The following ALX4 variants were observed in gnomAD, a reference collection of about 807,000 sequenced individuals.
ALX4 encodes the protein ALX homeobox 4, also known as homeobox protein aristaless-like 4.
Under a neutral mutation model 40.6 loss-of-function variants are expected in ALX4, and 22 were observed. That is an observed-to-expected ratio of 0.54 (90% confidence interval 0.39 to 0.77). ALX4 has a LOEUF of 0.77. Ranked by LOEUF, ALX4 falls within the 30% of genes least tolerant of loss-of-function variation. The pLI, the probability that ALX4 is intolerant of heterozygous loss-of-function variation, is 0.00. For synonymous variants in ALX4, 266 were observed against 240.5 expected (o/e 1.11, Z -0.98); for missense variants, 556 against 564.8 (o/e 0.98, Z 0.16).
intron 2 of ALX4, among the ~76,000 whole-genome samples, chr11:44,272,895 T>C (rs937845028): frequency 2.0e-5 from 3 of 152,258 alleles, no homozygotes; most frequent in Admixed American, 6.5e-5. Flanking sequence ...GCATCACTTC[T>C]GGTAGCTGCA....
intron 1 of ALX4, among the ~76,000 whole-genome samples, chr11:44,279,884 A>AATCTAT (rs1956298938): frequency 1.3e-5 from 2 of 152,246 alleles, no homozygotes; most frequent in Non-Finnish European, 2.9e-5. Flanking sequence ...AGCACAGGAT[A>AATCTAT]GGTCAGGTGG....
rs1198428537 is a variant in ALX4 at position 44,309,760 on chromosome 11, C to T, written c.303G>A (p.Pro101=). 1.3e-6 allele frequency: 2 copies of T among 1,545,260 alleles called. No individual in the cohort carries two copies. Among genetic ancestry groups the T allele is most frequent in the South Asian group, 2.4e-5 (2 of 84,136 alleles). Residue 101 remains proline, a synonymous_variant, in exon 1 of 4, where the codon CCG becomes CCA. Coordinates refer to ENST00000652299, the MANE Select transcript of ALX4 (RefSeq NM_021926.4). ...GCTGCTGCGGCTGCGGCTGCGGCGG[C>T]GGCTGGGGCTGCGGGGTCGACGGCT... ...QPQPSTPQPQ[P]PPQPQPQQQQ... is the part of the protein sequence containing the mutation.
Position 44,279,832 on chromosome 11 carries a change from G to C in ALX4, c.467-4174C>G, listed in dbSNP as rs1328083529. ...CCTATAGAATGTCAGTTCCCCAGGG[G>C]CTGGGACCTCATGCCGTTTGTCCCT... On this transcript the variant is annotated intron_variant, in intron 1 of 3. Coordinates refer to ENST00000652299, the MANE Select transcript of ALX4 (RefSeq NM_021926.4). Among the ~76,000 whole-genome samples, 13 of 152,234 alleles carry C rather than the reference G, an allele frequency of 8.5e-5. 1 individual carries two copies. Among genetic ancestry groups the C allele is most frequent in the Non-Finnish European group, 1.9e-4 (13 of 68,046 alleles).
Position 44,309,679 on chromosome 11 carries a change from G to C in ALX4, c.384C>G (p.Ala128=). 1.3e-6 allele frequency: 2 copies of C among 1,591,482 alleles called. No individual in the cohort carries two copies. The highest frequency in any genetic ancestry group is 1.7e-6 in the Non-Finnish European group (2 of 1,172,736). ...AQPHLYLQRG[A]CKTPPDGSLK... is the part of the protein sequence containing the mutation. ...GGCTGCCGTCCGGGGGCGTCTTGCA[G>C]GCGCCTCGCTGCAAGTAAAGATGCG... The change falls in exon 1 of 4, where the codon GCC becomes GCG. Residue 128 remains alanine (A), a synonymous_variant. Coordinates refer to ENST00000652299, the MANE Select transcript of ALX4 (RefSeq NM_021926.4).
Position 44,275,498 on chromosome 11 carries a change from G to T in ALX4, c.627C>A (p.Ser209Arg), listed in dbSNP as rs568863681. 1.0e-4 allele frequency: 164 copies of T among 1,614,038 alleles called. No individual in the cohort carries two copies. Among genetic ancestry groups the T allele is most frequent in the Middle Eastern group, 8.2e-4 (5 of 6,062 alleles). Residue 209 changes from serine to arginine, a missense_variant, in exon 2 of 4, where the codon AGC (serine) becomes AGA (arginine). Transcript: ENST00000652299. ...PSPLEKADSE[S>R]NKGKKRRNRT... Reference sequence around the variant, plus strand: ...GGTTCCGCCGCTTCTTGCCCTTGTTGCTCTCTGAGTCGGCCTTCTCCAATG... The same window carrying T: ...GGTTCCGCCGCTTCTTGCCCTTGTTTCTCTCTGAGTCGGCCTTCTCCAATG...
intron 1 of ALX4, among the ~76,000 whole-genome samples, chr11:44,305,937 C>A (rs762895393): frequency 3.3e-4 from 50 of 152,252 alleles, no homozygotes; most frequent in Non-Finnish European, 6.3e-4. Flanking sequence ...CCGGCTGCAG[C>A]TCCGGCGGTC....
chr11:44,283,247 CAAA>C (rs35704210), intron 1 of ALX4, among the ~76,000 whole-genome samples: 53 of 100,148 alleles, frequency 5.3e-4, no homozygotes, highest in African/African-American at 8.6e-4. Context: ...AACTCCATCT[CAAA>C]AAAAAAAAAA....
At chr11:44,298,038 C>T (rs778542487) in intron 1 of ALX4, among the ~76,000 whole-genome samples, 1 of 152,204 alleles carries the variant, frequency 6.6e-6, no homozygotes, top group Non-Finnish European at 1.5e-5. Flanking sequence ...TCTCTGAGGG[C>T]AGGAGCCAGT....
intron 1 of ALX4, among the ~76,000 whole-genome samples, chr11:44,279,743 C>T (rs117566403): frequency 0.016 from 2,374 of 152,308 alleles, 35 homozygotes; most frequent in South Asian, 0.022. Flanking sequence ...TCTGCTCACC[C>T]TCTCCACTGA....
chr11:44,287,593 C>T (rs1176550678), intron 1 of ALX4, among the ~76,000 whole-genome samples: 7 of 38,686 alleles, frequency 1.8e-4, no homozygotes, highest in African/African-American at 2.6e-4. Flanking sequence ...AGAGACCTGT[C>T]TCAAAAAAAA....
chr11:44,302,795 G>A (rs1956442256), intron 1 of ALX4, among the ~76,000 whole-genome samples: 1 of 152,144 alleles, frequency 6.6e-6, no homozygotes, highest in Non-Finnish European at 1.5e-5. Context: ...TAGCCTCCAG[G>A]GAAGCCTTTT....
intron 1 of ALX4, among the ~76,000 whole-genome samples, chr11:44,286,080 G>A (rs1473091379): frequency 6.6e-6 from 1 of 152,208 alleles, no homozygotes; most frequent in East Asian, 1.9e-4. Context: ...TGCAGGAAAA[G>A]GCCCCAGGCC....
intron 1 of ALX4, among the ~76,000 whole-genome samples, chr11:44,283,628 G>T (rs1449993553): frequency 6.6e-6 from 1 of 152,108 alleles, no homozygotes; most frequent in East Asian, 1.9e-4. Context: ...GCAGTGGTTC[G>T]ATCTCGGCTC....
Position 44,264,657 on chromosome 11 carries a change from A to G in ALX4, c.*197T>C, listed in dbSNP as rs1956202031. 4.8e-6 allele frequency: 3 copies of G among 631,454 alleles called. No homozygotes were observed. The highest frequency in any genetic ancestry group is 8.2e-6 in the Non-Finnish European group (3 of 366,918). 39.1% of individuals were successfully genotyped at this position (631,454 alleles called of 1,614,324 possible). Reference sequence around the variant, plus strand: ...AGGGGTCAGGGCCTCAGTGCCAGGGAGGGGCCAGGGGCCTGCTGCCCCCTC... The same window carrying G: ...AGGGGTCAGGGCCTCAGTGCCAGGGGGGGGCCAGGGGCCTGCTGCCCCCTC... On this transcript the variant is annotated 3_prime_UTR_variant, in exon 4 of 4. Transcript: ENST00000652299.
chr11:44,296,866 A>C (rs1457028852), intron 1 of ALX4, among the ~76,000 whole-genome samples: 1 of 152,016 alleles, frequency 6.6e-6, no homozygotes, highest in African/African-American at 2.4e-5. Context: ...AAAATTAGGC[A>C]GGTGTGGTGG....
intron 3 of ALX4, among the ~76,000 whole-genome samples, chr11:44,267,035 C>T (rs940200435): frequency 2.0e-5 from 3 of 152,204 alleles, no homozygotes; most frequent in African/African-American, 7.2e-5. Context: ...AGATTTGAGA[C>T]TTGCCTAAAG....
intron 1 of ALX4, among the ~76,000 whole-genome samples, chr11:44,300,579 A>T (rs1956429139): frequency 1.3e-5 from 2 of 152,128 alleles, no homozygotes; most frequent in African/African-American, 2.4e-5. Context: ...GTATAGTGTG[A>T]GGGGTGGGGC....
At chr11:44,265,295 C>A in intron 3 of ALX4, 112 bp from the exon 4 acceptor site, 2 of 1,083,778 alleles carry the variant, frequency 1.8e-6, no homozygotes, top group African/African-American at 1.6e-5. Context: ...TCCCATGAAG[C>A]CCCTCTTGAG....
At chr11:44,282,108 GTAAAA>G (rs1396482022) in intron 1 of ALX4, among the ~76,000 whole-genome samples, 1 of 152,214 alleles carries the variant, frequency 6.6e-6, no homozygotes, top group African/African-American at 2.4e-5. Flanking sequence ...TGCTGGAACA[GTAAAA>G]GGACATTGGG....
Sources: gnomAD v4.1 joint callset for allele counts (sites outside exome capture counted in the v4.1 genomes callset) on GRCh38, gnomAD v4.1.1 for gene constraint, MANE v1.5 for transcripts, NCBI Gene and HGNC (gene_info 2026-07-23, HGNC 2026-07-21) for gene names.